Variants in STRA8 observed in about 807,000 individuals in gnomAD.
STRA8 encodes the protein stimulated by retinoic acid gene 8 protein homolog.
Under a neutral mutation model 37.1 loss-of-function variants are expected in STRA8, and 18 were observed. The observed-to-expected ratio is 0.48, with a 90% confidence interval of 0.34 to 0.72. The LOEUF (loss-of-function observed/expected upper bound fraction) is 0.72. STRA8 is among the 30% of genes least tolerant of loss of function. The pLI is 0.01. For missense variants in STRA8, 357 were observed against 410.4 expected (o/e 0.87, Z 1.13); for synonymous variants, 168 against 162.9 (o/e 1.03, Z -0.24).
In STRA8 at chr7:135,251,620, C is replaced by T. The variant is rs146726432; in HGVS notation, c.880-176C>T. ...TGGGCACTCTAGAGTTTAGCATTTA[C>T]CCCCTAGGAAGAACAGCAAGCAGAG... On this transcript the variant is annotated intron_variant, in intron 6 of 8. Transcript: ENST00000662584. Among the ~76,000 whole-genome samples the T allele has an allele frequency of 1.4e-4, 21 of 152,158 alleles. No individual in the cohort carries two copies. The East Asian group carries it at 3.7e-3, about 27-fold the overall frequency.
chr7:135,242,536 A>G (rs1438649380), intron 2 of STRA8, among the ~76,000 whole-genome samples: 1 of 152,232 alleles, frequency 6.6e-6, no homozygotes, highest in Non-Finnish European at 1.5e-5. Flanking sequence ...AATTTGCTGA[A>G]CAAAGCTTAA....
At chr7:135,233,155 A>AT (rs1239815471), upstream of STRA8, among the ~76,000 whole-genome samples, 1 of 152,042 alleles carries the variant, frequency 6.6e-6, no homozygotes, top group Non-Finnish European at 1.5e-5. Flanking sequence ...GGAAAAATGA[A>AT]TTTTTTTTCC....
intron 1 of STRA8, among the ~76,000 whole-genome samples, chr7:135,238,553 G>C (rs889600319): frequency 6.6e-6 from 1 of 152,202 alleles, no homozygotes; most frequent in Non-Finnish European, 1.5e-5. Context: ...GACTGTTAGA[G>C]AACTTGAGGT....
At chr7:135,256,737 A>T (rs1433327786) in intron 8 of STRA8, among the ~76,000 whole-genome samples, 1 of 152,232 alleles carries the variant, frequency 6.6e-6, no homozygotes, top group Non-Finnish European at 1.5e-5. Flanking sequence ...CCTACAAGGC[A>T]GAGGTTACAG....
chr7:135,240,597 C>T lies in STRA8; in HGVS notation c.73C>T (p.Leu25Phe). 2 of 1,614,224 alleles carry T rather than the reference C, an allele frequency of 1.2e-6. No homozygotes were observed. The highest frequency in any genetic ancestry group is 1.7e-6 in the Non-Finnish European group (2 of 1,180,052). Residue 25 changes from leucine (L) to phenylalanine (F), a missense_variant, in exon 2 of 9, where the codon CTT becomes TTT. By Grantham distance (22) the Leu-to-Phe change is conservative. Transcript: ENST00000662584. ...CCAGCTGCCAGCACAGCTGCAGGAG[C>T]TTGAGCATCGGGTGGCCCGGAGACG... ...TPQLPAQLQE[L>F]EHRVARRRLS...
intron 2 of STRA8, 43 bp from the exon 3 acceptor site, chr7:135,242,738 C>A: frequency 6.3e-7 from 1 of 1,590,018 alleles, no homozygotes; most frequent in South Asian, 1.1e-5. Flanking sequence ...TCAGTCTCTG[C>A]AGTGAGAGGC....
rs376954872 is a variant in STRA8, at chr7:135,245,174, T to TAC, written c.354-102_354-101dup. 29 of 693,912 alleles carry TAC rather than the reference T, an allele frequency of 4.2e-5. No homozygotes were observed. The Middle Eastern group carries it at 7.2e-4, about 17-fold the overall frequency. 43.0% of individuals were successfully genotyped at this position (693,912 alleles called of 1,614,324 possible). A position where few individuals can be genotyped will look rare whatever the true frequency, so the allele number is the denominator to read the frequency against. ...CTCATTTGGTCATGATGTGTACACC[T>TAC]ACACACACACACATACATATACATG... On this transcript the variant is annotated intron_variant, in intron 4 of 8. Coordinates refer to ENST00000662584, the MANE Select transcript of STRA8 (RefSeq NM_001394401.1).
intron 6 of STRA8, among the ~76,000 whole-genome samples, chr7:135,247,925 C>G (rs1832588401): frequency 6.6e-6 from 1 of 152,232 alleles, no homozygotes; most frequent in Non-Finnish European, 1.5e-5. Context: ...CTAGCCCAGG[C>G]GCAGCCGATT....
At chr7:135,243,453 C>A in intron 4 of STRA8, 43 bp downstream of exon 4, 1 of 1,576,520 alleles carries the variant, frequency 6.3e-7, no homozygotes, top group Non-Finnish European at 8.7e-7. Context: ...CCTGCTGTGT[C>A]CTCACAGCCA....
intron 4 of STRA8, among the ~76,000 whole-genome samples, chr7:135,244,708 T>C (rs535665547): frequency 4.6e-5 from 7 of 152,358 alleles, no homozygotes; most frequent in African/African-American, 9.6e-5. Flanking sequence ...TTGGTTCTAA[T>C]GACATGTGTG....
Position 135,246,237 on chromosome 7 carries a change from C to G in STRA8, c.594-180C>G, listed in dbSNP as rs1465320876. On this transcript the variant is annotated intron_variant, in intron 5 of 8. Transcript: ENST00000662584. The surrounding 1 kb of genome is among the most constrained non-coding windows in gnomAD (Gnocchi z 5.4). Reference sequence around the variant, plus strand: ...AAGCCCAAGTCTATGTCCTTCATGGCCCCCAGGAAGGCTGCTGCTCTCCAA... The same window carrying G: ...AAGCCCAAGTCTATGTCCTTCATGGGCCCCAGGAAGGCTGCTGCTCTCCAA... 7.5e-6 allele frequency: 6 copies of G among 798,066 alleles called. No homozygotes were observed. The highest frequency in any genetic ancestry group is 1.2e-5 in the Non-Finnish European group (6 of 508,338). 49.4% of individuals were successfully genotyped at this position (798,066 alleles called of 1,614,324 possible). A position where few individuals can be genotyped will look rare whatever the true frequency, so the allele number is the denominator to read the frequency against.
In STRA8 at chr7:135,246,576, G is replaced by A. The variant is rs919301480; in HGVS notation, c.753G>A (p.Gln251=). The A allele has an allele frequency of 2.2e-5, 34 of 1,548,134 alleles. No individual in the cohort carries two copies. Among genetic ancestry groups the A allele is most frequent in the Non-Finnish European group, 2.9e-5 (33 of 1,148,036 alleles). ...CCAGCCTCCGGCAGGCCTGGGCGCA[G>A]AAGCACCGCGGCCCTGCGACCCTGG... ...RKASLRQAWA[Q]KHRGPATLAE... is the part of the protein sequence containing the mutation. Residue 251 remains glutamine (Q), a synonymous_variant, in exon 6 of 9, where the codon CAG becomes CAA. Coordinates refer to ENST00000662584, the MANE Select transcript of STRA8 (RefSeq NM_001394401.1). This position sits in a 1 kb window ranked among gnomAD's most constrained non-coding sequence, Gnocchi z 5.4.
At position 135,240,568 on chromosome 7, in the gene STRA8, C is replaced by T. The variant is rs1832446880; in HGVS notation, c.44C>T (p.Thr15Ile). 1 of 1,614,096 alleles carries T rather than the reference C, an allele frequency of 6.2e-7. No homozygotes were observed. Among genetic ancestry groups the T allele is most frequent in the African/African-American group, 1.3e-5 (1 of 75,022 alleles). The part of the protein sequence containing the change: ...EENSNPHDRA[T>I]PQLPAQLQEL... ...AACAGCAATCCCCATGACAGAGCAA[C>T]ACCCCAGCTGCCAGCACAGCTGCAG... is the stretch of plus-strand genomic sequence containing the variant. Residue 15 changes from threonine (T) to isoleucine (I), a missense_variant, in exon 2 of 9, where the codon ACA (threonine) becomes ATA (isoleucine). Coordinates refer to ENST00000662584, the MANE Select transcript of STRA8 (RefSeq NM_001394401.1).
intron 4 of STRA8, among the ~76,000 whole-genome samples, chr7:135,244,051 T>TTTTGG (rs1161858764): frequency 1.3e-5 from 2 of 152,164 alleles, no homozygotes; most frequent in Non-Finnish European, 2.9e-5. Flanking sequence ...TTGTTTTTGT[T>TTTTGG]TTTGGTTTGG....
intron 1 of STRA8, among the ~76,000 whole-genome samples, chr7:135,234,599 T>G (rs548138290): frequency 3.5e-4 from 54 of 152,344 alleles, no homozygotes; most frequent in Non-Finnish European, 4.9e-4. Context: ...TGAGGGCATT[T>G]TTTTTAAAGT....
chr7:135,238,155 G>A (rs558433101), intron 1 of STRA8, among the ~76,000 whole-genome samples: 1 of 152,296 alleles, frequency 6.6e-6, no homozygotes, highest in South Asian at 2.1e-4. Flanking sequence ...GAGTAGGAGG[G>A]TCATCTCCCA....
intron 1 of STRA8, among the ~76,000 whole-genome samples, chr7:135,236,699 C>A (rs1189695044): frequency 6.6e-6 from 1 of 152,280 alleles, no homozygotes; most frequent in South Asian, 2.1e-4. Context: ...AGAGGTCTTT[C>A]GGGTTAGGGT....
Position 135,246,879 on chromosome 7 carries a change from C to G in STRA8, c.879+177C>G. 1 of 688,934 alleles carries G rather than the reference C, an allele frequency of 1.5e-6. No individual in the cohort carries two copies. The highest frequency in any genetic ancestry group is 2.3e-6 in the Non-Finnish European group (1 of 439,402). 42.7% of individuals were successfully genotyped at this position (688,934 alleles called of 1,614,324 possible). A position where few individuals can be genotyped will look rare whatever the true frequency, so the allele number is the denominator to read the frequency against. ...TTTTTTTTTGAGACGGAGTCTCGCT[C>G]TGTCGCCCAGGCTGGAGTGCAGTGG... On this transcript the variant is annotated intron_variant, in intron 6 of 8. Coordinates refer to ENST00000662584, the MANE Select transcript of STRA8 (RefSeq NM_001394401.1). The surrounding 1 kb of genome is among the most constrained non-coding windows in gnomAD (Gnocchi z 5.4).
At chr7:135,242,943 A>G in intron 3 of STRA8, 87 bp downstream of exon 3, 1 of 1,392,790 alleles carries the variant, frequency 7.2e-7, no homozygotes, top group Non-Finnish European at 1.0e-6. Context: ...TTGGGTTACA[A>G]TGAATCAACA....
Sources: gnomAD v4.1 joint callset for allele counts (sites outside exome capture counted in the v4.1 genomes callset) on GRCh38, gnomAD v4.1.1 for gene constraint, Gnocchi (gnomAD v3.1) non-coding constraint, MANE v1.5 for transcripts, NCBI Gene and HGNC (gene_info 2026-07-23, HGNC 2026-07-21) for gene names.